Variants in PLA2G4A observed in about 807,000 individuals in gnomAD.
PLA2G4A encodes the protein phospholipase A2 group IVA.
PLA2G4A carries 40 observed loss-of-function variants against 81.9 expected under a neutral mutation model. That is an observed-to-expected ratio of 0.49 (90% CI 0.38 to 0.64). The LOEUF is 0.64. Ranked by LOEUF, PLA2G4A falls within the 30% of genes least tolerant of loss-of-function variation. The pLI is 0.00. For synonymous variants in PLA2G4A, 302 were observed against 296.9 expected, an observed-to-expected ratio of 1.02 and a Z score of -0.18; for missense variants, 715 against 905.1, an observed-to-expected ratio of 0.79 and a Z score of 2.69.
At chr1:186,913,305 GT>G (rs1193238488) in intron 7 of PLA2G4A, among the ~76,000 whole-genome samples, 3 of 151,642 alleles carry the variant, frequency 2.0e-5, no homozygotes, top group Admixed American at 2.0e-4. Context: ...TTCAATTATA[GT>G]TTTTTTCTTT....
intron 6 of PLA2G4A, among the ~76,000 whole-genome samples, chr1:186,907,628 C>G (rs12720552): frequency 6.6e-6 from 1 of 152,218 alleles, no homozygotes; most frequent in South Asian, 2.1e-4. Context: ...TCTCTTTGAA[C>G]TTCCCTGTTG....
chr1:186,987,296 C>A (rs1474308629), intron 17 of PLA2G4A, among the ~76,000 whole-genome samples: 4 of 152,258 alleles, frequency 2.6e-5, no homozygotes, highest in Admixed American at 2.6e-4. Flanking sequence ...TGGGCCACAG[C>A]AGTTGTGAGT....
intron 5 of PLA2G4A, among the ~76,000 whole-genome samples, chr1:186,902,786 A>G (rs1181184646): frequency 2.7e-5 from 4 of 148,764 alleles, no homozygotes; most frequent in African/African-American, 1.0e-4. Context: ...ATCCTATAAA[A>G]CTGCCCCACC....
intron 3 of PLA2G4A, among the ~76,000 whole-genome samples, chr1:186,878,724 A>C (rs2102075584): frequency 6.6e-6 from 1 of 151,982 alleles, no homozygotes; most frequent in African/African-American, 2.4e-5. Flanking sequence ...GTACTTTATT[A>C]GATTTTTTTG....
At chr1:186,829,231 C>A (rs143250772) in intron 1 of PLA2G4A, among the ~76,000 whole-genome samples, 196 bp downstream of exon 1, 1 of 152,290 alleles carries the variant, frequency 6.6e-6, no homozygotes, top group African/African-American at 2.4e-5. Context: ...TTTCTTCAAA[C>A]CCACGCAGAT....
At chr1:186,956,866 G>A (rs1656773171) in intron 14 of PLA2G4A, among the ~76,000 whole-genome samples, 1 of 152,002 alleles carries the variant, frequency 6.6e-6, no homozygotes, top group Non-Finnish European at 1.5e-5. Context: ...GCCTAGACAT[G>A]TCAGTATAGA....
Position 186,881,384 on chromosome 1 carries a change from T to C in PLA2G4A, c.115+10868T>C, listed in dbSNP as rs540161957. 1.3e-4 allele frequency among the ~76,000 whole-genome samples: 20 copies of C among 152,226 alleles called. No individual in the cohort carries two copies. The South Asian group carries it at 3.9e-3, about 30-fold the overall frequency. On this transcript the variant is annotated intron_variant, in intron 3 of 17. Transcript: ENST00000367466. Reference sequence around the variant, plus strand: ...GCAATGCTCAAGTTGTTGTAAAATCTTTACTCCTTTCTCCCCACAGAATTA... The same window carrying C: ...GCAATGCTCAAGTTGTTGTAAAATCCTTACTCCTTTCTCCCCACAGAATTA...
intron 1 of PLA2G4A, among the ~76,000 whole-genome samples, chr1:186,847,912 C>T (rs1267493366): frequency 6.6e-6 from 1 of 151,944 alleles, no homozygotes; most frequent in Non-Finnish European, 1.5e-5. Flanking sequence ...ACACAAGTAG[C>T]AGAATAGTTT....
rs190581059 is a variant in PLA2G4A at position 186,867,848 on chromosome 1, T to C, written c.34-2587T>C. On this transcript the variant is annotated intron_variant, in intron 2 of 17. Coordinates refer to ENST00000367466, the MANE Select transcript of PLA2G4A (RefSeq NM_024420.3). ...ATTATAGGTTTTTTGTAGATGTCCT[T>C]TATCAAGTTGATAAAGCTCCCTTCT... Among the ~76,000 whole-genome samples the C allele has an allele frequency of 2.0e-5, 3 of 152,236 alleles. No individual in the cohort carries two copies. The East Asian group carries it at 5.8e-4, about 29-fold the overall frequency.
At chr1:186,986,459 G>T (rs1373305266) in intron 17 of PLA2G4A, among the ~76,000 whole-genome samples, 1 of 152,176 alleles carries the variant, frequency 6.6e-6, no homozygotes, top group African/African-American at 2.4e-5. Flanking sequence ...TAGATCTCTA[G>T]AAAGGCAGGG....
In PLA2G4A at chr1:186,927,423, A is replaced by G. The variant is rs749386090; in HGVS notation, c.559-5340A>G. 1.3e-4 allele frequency among the ~76,000 whole-genome samples: 20 copies of G among 152,344 alleles called. No individual in the cohort carries two copies. In the Middle Eastern group the frequency reaches 0.01, roughly 78 times the overall value. On this transcript the variant is annotated intron_variant, in intron 7 of 17. Transcript: ENST00000367466. The stretch of plus-strand genomic sequence containing the variant: ...TCTTGTTCTAAAATAGTTTCTGGTC[A>G]GATAAAATTTTCAGATTACAGTTGT...
At chr1:186,867,413 C>A (rs1653071883) in intron 2 of PLA2G4A, among the ~76,000 whole-genome samples, 1 of 152,078 alleles carries the variant, frequency 6.6e-6, no homozygotes, top group African/African-American at 2.4e-5. Flanking sequence ...TATAGATCTT[C>A]TACATACATT....
At chr1:186,917,154 A>T (rs1158568239) in intron 7 of PLA2G4A, among the ~76,000 whole-genome samples, 1 of 152,144 alleles carries the variant, frequency 6.6e-6, no homozygotes, top group Admixed American at 6.5e-5. Context: ...CGTGGCCGCA[A>T]AGGGGCTACA....
At chr1:186,892,906 C>A in intron 3 of PLA2G4A, 105 bp from the exon 4 acceptor site, 1 of 806,282 alleles carries the variant, frequency 1.2e-6, no homozygotes, top group Non-Finnish European at 2.2e-6. Context: ...TTAAATACAT[C>A]ACTACAGATT....
rs1652857289 is a variant in PLA2G4A at position 186,862,651 on chromosome 1, C to T, written c.34-7784C>T. Among the ~76,000 whole-genome samples the T allele has an allele frequency of 2.0e-5, 3 of 152,246 alleles. No homozygotes were observed. In the South Asian group the frequency reaches 6.2e-4, roughly 32 times the overall value. On this transcript the variant is annotated intron_variant, in intron 2 of 17. Coordinates refer to ENST00000367466, the MANE Select transcript of PLA2G4A (RefSeq NM_024420.3). ...TTTCAAGTGTATTGGATCTATTAGCCTTAAGGTTCACATTTGAAAACCATC... is the reference window on the plus strand; with the variant it reads ...TTTCAAGTGTATTGGATCTATTAGCTTTAAGGTTCACATTTGAAAACCATC...
At chr1:186,933,641 T>C (rs1655830552) in intron 8 of PLA2G4A, among the ~76,000 whole-genome samples, 1 of 152,200 alleles carries the variant, frequency 6.6e-6, no homozygotes, top group Admixed American at 6.5e-5. Context: ...TGCCTTGGAC[T>C]TACAAGGCCT....
At chr1:186,857,100 TAATTATATAATTATATA>T (rs2102032294) in intron 2 of PLA2G4A, among the ~76,000 whole-genome samples, 1 of 1,292 alleles carries the variant, frequency 7.7e-4, no homozygotes, top group Admixed American at 8.1e-3. Context: ...ATATATAATA[TAATTATATAATTATATA>T]ATATTCTATA....
At chr1:186,981,950 C>G (rs1164673689) in intron 17 of PLA2G4A, among the ~76,000 whole-genome samples, 2 of 152,076 alleles carry the variant, frequency 1.3e-5, no homozygotes, top group Non-Finnish European at 2.9e-5. Context: ...ATAAAATCGT[C>G]CTTGAATAAA....
intron 7 of PLA2G4A, among the ~76,000 whole-genome samples, chr1:186,911,970 A>G (rs553750864): frequency 1.3e-5 from 2 of 152,190 alleles, no homozygotes; most frequent in East Asian, 3.9e-4. Context: ...GAGAACCCGG[A>G]GCAACAATGT....
Sources: allele counts gnomAD v4.1 joint callset (sites outside exome capture counted in the v4.1 genomes callset), GRCh38; gene constraint gnomAD v4.1.1; transcripts MANE v1.5; gene names NCBI Gene and HGNC (gene_info 2026-07-23, HGNC 2026-07-21).